Variants in RANBP2 observed in about 807,000 individuals in gnomAD.
The protein encoded by RANBP2 is E3 SUMO-protein ligase RanBP2.
Under a neutral mutation model 303.6 loss-of-function variants are expected in RANBP2, and 57 were observed. The observed-to-expected ratio is 0.19, with a 90% CI of 0.15 to 0.23. The LOEUF (loss-of-function observed/expected upper bound fraction) is 0.23, where lower values mean the gene tolerates loss of function less well. Among genes scored for constraint, RANBP2 ranks in the 10% least tolerant of loss-of-function variants. The probability of loss-of-function intolerance (pLI) is 1.00; values close to 1 mark genes in which losing one functional copy is unlikely to be tolerated. For synonymous variants in RANBP2, 1,167 were observed against 1,301.5 expected (o/e 0.90, Z 2.23); for missense variants, 3,138 against 3,780.8 (o/e 0.83, Z 4.46).
the RANBP2 span, among the ~76,000 whole-genome samples, chr2:109,766,440 C>T: frequency 0.012 from 1,877 of 150,394 alleles, 76 homozygotes; most frequent in African/African-American, 0.044. Flanking sequence ...CAGAGGATAC[C>T]AGGGAGGAGG....
At chr2:109,037,563 A>G in the RANBP2 span, among the ~76,000 whole-genome samples, 2 of 152,192 alleles carry the variant, frequency 1.3e-5, no homozygotes, top group Non-Finnish European at 2.9e-5. Flanking sequence ...GAAAATCCCA[A>G]GGAATTTACA....
the RANBP2 span, chr2:108,940,073 T>C: frequency 6.6e-6 from 1 of 152,264 alleles, no homozygotes; most frequent in African/African-American, 2.4e-5. Context: ...TCAATTTGAC[T>C]GAGACGATAG....
the RANBP2 span, among the ~76,000 whole-genome samples, chr2:108,963,913 C>T: frequency 6.6e-6 from 1 of 152,176 alleles, no homozygotes; most frequent in African/African-American, 2.4e-5. Flanking sequence ...CCAGTAGGGT[C>T]GGCTCTGGCT....
At chr2:109,226,008 A>T in the RANBP2 span, among the ~76,000 whole-genome samples, 2 of 152,258 alleles carry the variant, frequency 1.3e-5, no homozygotes, top group Non-Finnish European at 2.9e-5. Context: ...TACCATTTTA[A>T]TATTAGAGTA....
chr2:109,716,387 G>A, the RANBP2 span, among the ~76,000 whole-genome samples: 2 of 152,140 alleles, frequency 1.3e-5, no homozygotes, highest in African/African-American at 2.4e-5. Flanking sequence ...GAGTAGCTGG[G>A]ATTATAGGTG....
the RANBP2 span, among the ~76,000 whole-genome samples, chr2:109,184,267 T>G: frequency 9.0e-4 from 137 of 152,304 alleles, no homozygotes; most frequent in African/African-American, 3.1e-3. Context: ...GTCAAAGCAG[T>G]GTTCAACTCT....
At chr2:109,260,972 G>A in the RANBP2 span, among the ~76,000 whole-genome samples, 5 of 152,276 alleles carry the variant, frequency 3.3e-5, no homozygotes, top group South Asian at 1.0e-3. Context: ...GGTGTTCTCA[G>A]CCCCATGTGC....
the RANBP2 span, among the ~76,000 whole-genome samples, chr2:109,559,230 C>T: frequency 6.6e-6 from 1 of 152,178 alleles, no homozygotes; most frequent in African/African-American, 2.4e-5. Context: ...CTTCCTAATA[C>T]ATCAGACTAT....
the RANBP2 span, among the ~76,000 whole-genome samples, chr2:109,333,742 G>A: frequency 3.5e-4 from 53 of 152,270 alleles, no homozygotes; most frequent in African/African-American, 9.9e-4. Context: ...GCTCTGCCAC[G>A]TATTGGCAGC....
chr2:109,010,318 C>T, the RANBP2 span, among the ~76,000 whole-genome samples: 1 of 148,552 alleles, frequency 6.7e-6, no homozygotes, highest in Non-Finnish European at 1.5e-5. Flanking sequence ...AACTGCCCCA[C>T]CCCCACCCCC....
the RANBP2 span, among the ~76,000 whole-genome samples, chr2:109,705,905 C>A: frequency 6.6e-6 from 1 of 152,148 alleles, no homozygotes; most frequent in African/African-American, 2.4e-5. Context: ...CTCAGCCCCC[C>A]ACAAAAAATA....
the RANBP2 span, among the ~76,000 whole-genome samples, chr2:109,377,002 T>C: frequency 6.6e-6 from 1 of 152,250 alleles, no homozygotes; most frequent in Non-Finnish European, 1.5e-5. Context: ...CAGACAGGTC[T>C]GCTTAGGAAG....
At chr2:109,211,885 C>T in the RANBP2 span, among the ~76,000 whole-genome samples, 4 of 152,152 alleles carry the variant, frequency 2.6e-5, no homozygotes, top group African/African-American at 4.8e-5. Flanking sequence ...ACAGGTGATC[C>T]GCCCTCCTCG....
chr2:109,590,056 GTA>G, the RANBP2 span, among the ~76,000 whole-genome samples: 2 of 144,946 alleles, frequency 1.4e-5, no homozygotes, highest in East Asian at 2.0e-4. Flanking sequence ...ATATGTGTGT[GTA>G]TATATATACA....
the RANBP2 span, among the ~76,000 whole-genome samples, chr2:109,638,675 A>G: frequency 2.6e-5 from 4 of 152,248 alleles, no homozygotes; most frequent in Non-Finnish European, 5.9e-5. Flanking sequence ...CAGTAGTACA[A>G]AAACAAAAAT....
At chr2:109,713,377 C>T in the RANBP2 span, among the ~76,000 whole-genome samples, 1 of 152,050 alleles carries the variant, frequency 6.6e-6, no homozygotes, top group Non-Finnish European at 1.5e-5. Context: ...CAAAGGACAG[C>T]CTTGATTAGG....
the RANBP2 span, among the ~76,000 whole-genome samples, chr2:109,330,159 G>C: frequency 1.3e-5 from 2 of 152,232 alleles, no homozygotes; most frequent in East Asian, 3.8e-4. Context: ...ATACTTAGAG[G>C]GAACATGCTG....
chr2:109,514,319 C>G, the RANBP2 span, among the ~76,000 whole-genome samples: 1 of 152,156 alleles, frequency 6.6e-6, no homozygotes, highest in African/African-American at 2.4e-5. Flanking sequence ...CAGAAAACCA[C>G]GTTATAAAAC....
At chr2:109,392,847 A>G in the RANBP2 span, among the ~76,000 whole-genome samples, 1 of 152,168 alleles carries the variant, frequency 6.6e-6, no homozygotes, top group African/African-American at 2.4e-5. Flanking sequence ...TCACTGGCAA[A>G]GAGTCCCTGG....
Sources: allele counts gnomAD v4.1 joint callset (sites outside exome capture counted in the v4.1 genomes callset), GRCh38; gene constraint gnomAD v4.1.1; transcripts MANE v1.5; gene names NCBI Gene and HGNC (gene_info 2026-07-23, HGNC 2026-07-21).